PALM2AKAP2: variants seen among roughly 807,000 people sequenced by gnomAD.
PALM2AKAP2 encodes the protein PALM2-AKAP2 fusion protein.
Under a neutral mutation model 71.5 loss-of-function variants are expected in PALM2AKAP2, and 37 were observed. The ratio of observed to expected loss-of-function variants is 0.52; its 90% CI spans 0.40 to 0.68. The LOEUF is 0.68. Among genes scored for constraint, PALM2AKAP2 ranks in the 30% least tolerant of loss-of-function variants. The pLI, the probability that PALM2AKAP2 is intolerant of heterozygous loss-of-function variation, is 0.00. For synonymous variants in PALM2AKAP2, 468 were observed against 478.8 expected (o/e 0.98, Z 0.29); for missense variants, 1,224 against 1,191.8 (o/e 1.03, Z -0.40).
chr9:109,843,883 A>G (rs1432624882), intron 1 of PALM2AKAP2, among the ~76,000 whole-genome samples: 1 of 152,168 alleles, frequency 6.6e-6, no homozygotes, highest in African/African-American at 2.4e-5. Flanking sequence ...AGCACTACAC[A>G]GTTGTCACGG....
intron 6 of PALM2AKAP2, among the ~76,000 whole-genome samples, chr9:109,971,659 C>T (rs1832071313): frequency 6.6e-6 from 1 of 152,222 alleles, no homozygotes; most frequent in Non-Finnish European, 1.5e-5. Flanking sequence ...CTCCTTACCT[C>T]AGGCAATCCG....
At chr9:110,169,263 C>G (rs1161051605) in exon 4 of PALM2AKAP2, 1 of 152,570 alleles carries the variant, frequency 6.6e-6, no homozygotes, top group African/African-American at 2.4e-5. Context: ...TATGAGAACA[C>G]ATTTTCACAG....
chr9:109,687,039 G>T (rs1383637639), intron 1 of PALM2AKAP2, among the ~76,000 whole-genome samples: 1 of 152,102 alleles, frequency 6.6e-6, no homozygotes, highest in Non-Finnish European at 1.5e-5. Flanking sequence ...AGTATTCCAT[G>T]GTGTATATGT....
At chr9:109,729,749 T>C (rs1828527384) in intron 1 of PALM2AKAP2, among the ~76,000 whole-genome samples, 1 of 152,166 alleles carries the variant, frequency 6.6e-6, no homozygotes, top group South Asian at 2.1e-4. Flanking sequence ...TTTGGTATCT[T>C]TGAAGGACCT....
chr9:109,770,214 A>G (rs1829236921), intron 1 of PALM2AKAP2, among the ~76,000 whole-genome samples: 1 of 147,824 alleles, frequency 6.8e-6, no homozygotes, highest in South Asian at 2.2e-4. Flanking sequence ...AAGATAAACC[A>G]CTTTCTCTTG....
At chr9:110,143,157 C>T (rs186804814) in intron 2 of PALM2AKAP2, among the ~76,000 whole-genome samples, 65 of 151,344 alleles carry the variant, frequency 4.3e-4, no homozygotes, top group South Asian at 1.3e-3. Context: ...GGTGGTGGTG[C>T]ATGCCTGTAA....
intron 1 of PALM2AKAP2, among the ~76,000 whole-genome samples, chr9:109,740,798 C>T (rs773464070): frequency 1.7e-4 from 26 of 152,094 alleles, no homozygotes; most frequent in African/African-American, 2.2e-4. Flanking sequence ...GGACTACAGG[C>T]GTGTGCCACC....
At chr9:110,028,031 A>G (rs781503258) in intron 7 of PALM2AKAP2, among the ~76,000 whole-genome samples, 1 of 152,196 alleles carries the variant, frequency 6.6e-6, no homozygotes, top group Admixed American at 6.5e-5. Flanking sequence ...TTTTTTAAAA[A>G]TCCTTGAAAC....
intron 1 of PALM2AKAP2, among the ~76,000 whole-genome samples, chr9:109,642,713 C>T (rs1827088268): frequency 6.6e-6 from 1 of 151,462 alleles, no homozygotes. Context: ...CAACCATGCC[C>T]AGCTAATTTT....
intron 1 of PALM2AKAP2, among the ~76,000 whole-genome samples, chr9:109,709,720 A>G (rs1357762767): frequency 6.6e-6 from 1 of 152,196 alleles, no homozygotes; most frequent in Non-Finnish European, 1.5e-5. Context: ...CACAGGCATC[A>G]GGGAATGCAC....
At chr9:109,967,001 A>G (rs892078888) in intron 6 of PALM2AKAP2, among the ~76,000 whole-genome samples, 2 of 152,214 alleles carry the variant, frequency 1.3e-5, no homozygotes, top group African/African-American at 2.4e-5. Flanking sequence ...TAGAAGCTAA[A>G]ACGAAAATGA....
intron 2 of PALM2AKAP2, 27 bp downstream of exon 8, chr9:110,138,566 C>A (rs1397999997): frequency 6.5e-6 from 10 of 1,548,166 alleles, no homozygotes; most frequent in Non-Finnish European, 8.7e-6. Context: ...ACATGAGAGA[C>A]AGATGCCACA....
At chr9:110,127,873 G>C (rs1835649148) in intron 1 of PALM2AKAP2, 1 of 152,200 alleles carries the variant, frequency 6.6e-6, no homozygotes, top group South Asian at 2.1e-4. Flanking sequence ...TCTTCTTATG[G>C]GAACTGGTAC....
intron 1 of PALM2AKAP2, among the ~76,000 whole-genome samples, chr9:110,062,551 C>G (rs1360360986): frequency 2.0e-5 from 3 of 151,756 alleles, no homozygotes; most frequent in Non-Finnish European, 4.4e-5. Context: ...GAAAATGTAC[C>G]CCATTATTTT....
intron 6 of PALM2AKAP2, among the ~76,000 whole-genome samples, chr9:109,992,250 C>G (rs536141055): frequency 7.2e-5 from 11 of 152,122 alleles, no homozygotes; most frequent in Non-Finnish European, 1.3e-4. Context: ...ATGTAACCAT[C>G]TTCTTGGCTG....
At chr9:110,138,182 A>G in exon 2 of PALM2AKAP2, 2 of 1,614,048 alleles carry the variant, frequency 1.2e-6, no homozygotes, top group East Asian at 2.2e-5. Flanking sequence ...TGCTGAAGAC[A>G]GGGCGCTCAG....
At chr9:109,797,088 T>C (rs1010471613) in intron 1 of PALM2AKAP2, among the ~76,000 whole-genome samples, 10 of 152,218 alleles carry the variant, frequency 6.6e-5, no homozygotes, top group African/African-American at 2.4e-4. Context: ...GTTTCCTCCT[T>C]TCCTTTGCCT....
intron 1 of PALM2AKAP2, among the ~76,000 whole-genome samples, chr9:109,641,104 T>TGAG (rs1717313729): frequency 6.6e-6 from 1 of 151,230 alleles, no homozygotes; most frequent in South Asian, 2.1e-4. Context: ...GGGGGGCGAG[T>TGAG]GAGGGGAGTA....
chr9:110,164,556 C>G (rs558865628), intron 3 of PALM2AKAP2, among the ~76,000 whole-genome samples: 1 of 145,040 alleles, frequency 6.9e-6, no homozygotes, highest in Non-Finnish European at 1.5e-5. Context: ...TTTGAGACAC[C>G]GTCTCACTCT....
Sources: gnomAD v4.1 joint callset for allele counts (sites outside exome capture counted in the v4.1 genomes callset) on GRCh38, gnomAD v4.1.1 for gene constraint, MANE v1.5 for transcripts, NCBI Gene and HGNC (gene_info 2026-07-23, HGNC 2026-07-21) for gene names.